The following TGIF1 variants were observed in gnomAD, a reference collection of about 807,000 sequenced individuals.
TGIF1 encodes the protein homeobox protein TGIF1.
In TGIF1, 4 loss-of-function variants were observed where a neutral mutation model predicts 19.3. That is an observed-to-expected ratio of 0.21 (90% CI 0.10 to 0.47). The LOEUF is 0.47. Among genes scored for constraint, TGIF1 ranks in the 20% least tolerant of loss-of-function variants. The probability of loss-of-function intolerance (pLI) is 0.98; values close to 1 mark genes in which losing one functional copy is unlikely to be tolerated. For missense variants in TGIF1, 275 were observed against 341.4 expected (o/e 0.81, Z 1.53); for synonymous variants, 122 against 129.3 (o/e 0.94, Z 0.38).
intron 1 of TGIF1, chr18:3,452,135 C>G: frequency 2.5e-6 from 4 of 1,613,966 alleles, no homozygotes; most frequent in African/African-American, 1.3e-5. Context: ...CCCCCCGACT[C>G]TCCCGCGGCA....
At chr18:3,417,334 A>AT (rs1187974773) in intron 1 of TGIF1, among the ~76,000 whole-genome samples, 1 of 152,030 alleles carries the variant, frequency 6.6e-6, no homozygotes, top group African/African-American at 2.4e-5. Context: ...TAATTTTTGT[A>AT]TTTTTAGTAG....
At chr18:3,448,815 A>G (rs912281439), upstream of TGIF1, among the ~76,000 whole-genome samples, 1 of 144,936 alleles carries the variant, frequency 6.9e-6, no homozygotes, top group Non-Finnish European at 1.5e-5. Context: ...TGGCCGTCTT[A>G]GTACTCCTCG....
chr18:3,441,354 C>T (rs1346200082), intron 2 of TGIF1, among the ~76,000 whole-genome samples: 1 of 152,160 alleles, frequency 6.6e-6, no homozygotes, highest in African/African-American at 2.4e-5. Flanking sequence ...AAAGGCCTTC[C>T]CCACTCCAAG....
At chr18:3,419,414 A>G (rs975610725) in intron 2 of TGIF1, among the ~76,000 whole-genome samples, 2 of 152,226 alleles carry the variant, frequency 1.3e-5, no homozygotes, top group African/African-American at 4.8e-5. Context: ...GACCTTCAGC[A>G]ACCAGAACTG....
At chr18:3,425,791 C>T (rs953098559) in intron 2 of TGIF1, among the ~76,000 whole-genome samples, 2 of 152,114 alleles carry the variant, frequency 1.3e-5, no homozygotes, top group South Asian at 2.1e-4. Flanking sequence ...GTGCCAGCAT[C>T]GTGTCAACTG....
chr18:3,427,907 A>G (rs2082494446), intron 2 of TGIF1, among the ~76,000 whole-genome samples: 1 of 152,174 alleles, frequency 6.6e-6, no homozygotes, highest in Admixed American at 6.5e-5. Flanking sequence ...GCCTCAGAAT[A>G]TATTCTTAAC....
intron 1 of TGIF1, among the ~76,000 whole-genome samples, chr18:3,453,120 T>G (rs1256747936): frequency 6.6e-6 from 1 of 151,912 alleles, no homozygotes; most frequent in African/African-American, 2.4e-5. Flanking sequence ...CTTTTGTTCC[T>G]GGAGACCGGG....
intron 2 of TGIF1, among the ~76,000 whole-genome samples, chr18:3,419,658 T>G (rs1477920387): frequency 6.6e-6 from 1 of 152,212 alleles, no homozygotes; most frequent in Non-Finnish European, 1.5e-5. Context: ...TGGACTACCC[T>G]TGGTGTGTAT....
upstream of TGIF1, chr18:3,447,971 G>A (rs2082774745): frequency 2.2e-6 from 2 of 905,036 alleles, no homozygotes; most frequent in Non-Finnish European, 2.6e-6. Flanking sequence ...CCACTTGGAC[G>A]AAAGCAAAGC....
rs1338056347 is a variant in TGIF1 at position 3,412,226 on chromosome 18, C to G, written c.-146C>G. The stretch of plus-strand genomic sequence containing the variant: ...GGTGCTGCGCGGGGCTCCCTCCTTA[C>G]CGCAGGAGCTCCTCATCGAGAAACC... On this transcript the variant is annotated 5_prime_UTR_variant, in exon 1 of 4. Transcript: ENST00000401449. The G allele has an allele frequency of 3.3e-5, 5 of 152,364 alleles. No homozygotes were observed. The East Asian group carries it at 9.7e-4, about 29-fold the overall frequency. The allele number at this position is 152,364 out of a possible 1,614,324, so 9.4% of individuals were successfully genotyped here. A position where few individuals can be genotyped will look rare whatever the true frequency, so the allele number is the denominator to read the frequency against.
At position 3,457,346 on chromosome 18, in the gene TGIF1, C is replaced by T. The variant is rs764633361; in HGVS notation, c.244-19C>T. The T allele has an allele frequency of 1.3e-5, 21 of 1,613,196 alleles. No homozygotes were observed. The highest frequency in any genetic ancestry group is 1.2e-4 in the African/African-American group (9 of 74,890). On this transcript the variant is annotated intron_variant, in intron 2 of 2. Transcript: ENST00000343820. The surrounding 1 kb of genome is among the most constrained non-coding windows in gnomAD (Gnocchi z 4.9). The stretch of plus-strand genomic sequence containing the variant: ...TGAGTGAATGAGGAAAATGTTAAAG[C>T]GTACCGATATGATTTCAGGTCTGTA...
At chr18:3,443,580 G>A (rs2082701018) in intron 2 of TGIF1, among the ~76,000 whole-genome samples, 2 of 152,044 alleles carry the variant, frequency 1.3e-5, no homozygotes, top group African/African-American at 2.4e-5. Flanking sequence ...TAATAATAAT[G>A]AGAACTTTTT....
At chr18:3,454,504 A>G (rs1378915216) in intron 1 of TGIF1, among the ~76,000 whole-genome samples, 1 of 152,140 alleles carries the variant, frequency 6.6e-6, no homozygotes, top group East Asian at 1.9e-4. Context: ...ACTTTTTTTA[A>G]AAGTTCGATT....
At chr18:3,449,538 T>TGGCCCCCCCCC, upstream of TGIF1, 2 of 961,946 alleles carry the variant, frequency 2.1e-6, no homozygotes, top group Non-Finnish European at 2.5e-6. Flanking sequence ...GTCTCATCAT[T>TGGCCCCCCCCC]CCCCCCCGCC....
chr18:3,446,836 T>C (rs1258103718), upstream of TGIF1, among the ~76,000 whole-genome samples: 2 of 152,328 alleles, frequency 1.3e-5, no homozygotes, highest in Admixed American at 6.5e-5. Flanking sequence ...TATAAAGATA[T>C]CTGCCTTCCA....
chr18:3,415,598 G>C (rs11081043), intron 1 of TGIF1: 164,874 of 222,082 alleles, frequency 0.74, 61,455 homozygotes, highest in African/African-American at 0.83. Flanking sequence ...CATGCCCAAC[G>C]CCTTTTGAAA....
chr18:3,452,533 C>T (rs911751931), intron 1 of TGIF1: 63 of 1,224,264 alleles, frequency 5.1e-5, no homozygotes, highest in Non-Finnish European at 6.9e-5. Flanking sequence ...GATTCACGGC[C>T]TCATTTCTAG....
upstream of TGIF1, among the ~76,000 whole-genome samples, chr18:3,447,123 A>G (rs766178913): frequency 1.8e-4 from 28 of 152,190 alleles, no homozygotes; most frequent in Non-Finnish European, 4.1e-4. Flanking sequence ...ACTTTTTAAC[A>G]ACTTTCTTTG....
At chr18:3,441,726 T>C (rs1172752917) in intron 2 of TGIF1, among the ~76,000 whole-genome samples, 1 of 152,236 alleles carries the variant, frequency 6.6e-6, no homozygotes, top group Non-Finnish European at 1.5e-5. Context: ...CTTTATTTTT[T>C]TAACCGAAGG....
Sources: gnomAD v4.1 joint callset for allele counts (sites outside exome capture counted in the v4.1 genomes callset) on GRCh38, gnomAD v4.1.1 for gene constraint, Gnocchi (gnomAD v3.1) non-coding constraint, MANE v1.5 for transcripts, NCBI Gene and HGNC (gene_info 2026-07-23, HGNC 2026-07-21) for gene names.